The following EYS variants were observed in gnomAD, a reference collection of about 807,000 sequenced individuals.
EYS encodes EGF-like photoreceptor maintenance factor.
EYS carries 250 observed loss-of-function variants against 282.1 expected under a neutral mutation model. The observed-to-expected ratio is 0.89, with a 90% confidence interval of 0.80 to 0.98. The LOEUF (loss-of-function observed/expected upper bound fraction) is 0.98. EYS is among the 50% of genes least tolerant of loss of function. EYS has a pLI of 0.00. For synonymous variants in EYS, 1,355 were observed against 1,282.9 expected, an observed-to-expected ratio of 1.06 and a Z score of -1.20; for missense variants, 4,016 against 3,709.0, an observed-to-expected ratio of 1.08 and a Z score of -2.15.
At chr6:64,038,297 A>G (rs1453487262) in intron 33 of EYS, among the ~76,000 whole-genome samples, 1 of 152,162 alleles carries the variant, frequency 6.6e-6, no homozygotes, top group East Asian at 1.9e-4. Context: ...TTCTTGAAAA[A>G]TGCTAAGGAA....
At chr6:64,295,781 C>A (rs1768956060) in intron 30 of EYS, among the ~76,000 whole-genome samples, 1 of 151,350 alleles carries the variant, frequency 6.6e-6, no homozygotes, top group African/African-American at 2.4e-5. Flanking sequence ...CAGCTAACAG[C>A]ATTTGTTGCC....
intron 19 of EYS, among the ~76,000 whole-genome samples, chr6:64,874,821 G>T (rs1398507461): frequency 6.6e-6 from 1 of 152,016 alleles, no homozygotes; most frequent in African/African-American, 2.4e-5. Context: ...CTGACTTCTT[G>T]TATTTTGAGC....
In EYS at chr6:65,172,982, T is replaced by TA. The variant is rs10542329; in HGVS notation, c.2024-115256dup. Among the ~76,000 whole-genome samples, 342 of 145,536 alleles carry TA rather than the reference T, an allele frequency of 2.3e-3. 3 individuals are homozygous for TA. Among genetic ancestry groups the TA allele is most frequent in the East Asian group, 5.5e-3 (27 of 4,908 alleles). Reference sequence around the variant, plus strand: ...ATATGAGCCCTAAAGCCTGGAAATTTAAAAAAAAAAAAACTTAGAGCCTTA... The same window carrying TA: ...ATATGAGCCCTAAAGCCTGGAAATTTAAAAAAAAAAAAAACTTAGAGCCTTA... On this transcript the variant is annotated intron_variant, in intron 12 of 42. Coordinates refer to ENST00000503581, the MANE Select transcript of EYS (RefSeq NM_001142800.2).
Position 63,726,690 on chromosome 6 carries a change from G to A in EYS, c.8072-10C>T, listed in dbSNP as rs925907889. On this transcript the variant is annotated splice_polypyrimidine_tract_variant and intron_variant, in intron 41 of 42. Coordinates refer to ENST00000503581, the MANE Select transcript of EYS (RefSeq NM_001142800.2). ...TCACTTATGGATAAAGCTGAGGGAA[G>A]GAGAGAAAGAGAACTCTGGGAGTTA... 2 of 1,548,058 alleles carry A rather than the reference G, an allele frequency of 1.3e-6. No homozygotes were observed. Among genetic ancestry groups the A allele is most frequent in the African/African-American group, 2.7e-5 (2 of 72,874 alleles).
At chr6:64,348,682 C>T (rs1055834723) in intron 29 of EYS, among the ~76,000 whole-genome samples, 14 of 151,446 alleles carry the variant, frequency 9.2e-5, no homozygotes, top group Non-Finnish European at 4.4e-5. Flanking sequence ...TGGGAAAGGA[C>T]GGATCTTTCA....
chr6:64,204,008 C>A (rs1386098005), intron 31 of EYS, among the ~76,000 whole-genome samples: 1 of 152,104 alleles, frequency 6.6e-6, no homozygotes. Context: ...AGGTTCTTAT[C>A]TTTCTACCTT....
At chr6:65,381,908 T>C (rs906011276) in intron 8 of EYS, among the ~76,000 whole-genome samples, 2 of 151,990 alleles carry the variant, frequency 1.3e-5, no homozygotes, top group Non-Finnish European at 2.9e-5. Context: ...CTGTTTTACA[T>C]AAAAGTAAGG....
At chr6:63,986,150 G>A (rs967887096) in intron 34 of EYS, among the ~76,000 whole-genome samples, 8 of 151,496 alleles carry the variant, frequency 5.3e-5, no homozygotes, top group Non-Finnish European at 8.9e-5. Context: ...ATATACATGC[G>A]GCCAAAAAGC....
At chr6:64,279,842 C>A (rs1300320527) in intron 30 of EYS, among the ~76,000 whole-genome samples, 1 of 152,088 alleles carries the variant, frequency 6.6e-6, no homozygotes, top group Non-Finnish European at 1.5e-5. Context: ...TACTCCTATA[C>A]CAAGGCCTGC....
chr6:65,121,191 T>C (rs1349092916), intron 12 of EYS, among the ~76,000 whole-genome samples: 2 of 152,178 alleles, frequency 1.3e-5, no homozygotes, highest in Non-Finnish European at 1.5e-5. Context: ...ATTCGTTTCA[T>C]GTGAATCTTG....
At chr6:65,035,013 C>T (rs944359133) in intron 13 of EYS, among the ~76,000 whole-genome samples, 1 of 152,118 alleles carries the variant, frequency 6.6e-6, no homozygotes, top group Admixed American at 6.6e-5. Context: ...GCTAATCCAC[C>T]ACAGTCAAGT....
intron 22 of EYS, 117 bp from the exon 23 acceptor site, chr6:64,626,362 G>A: frequency 8.0e-7 from 1 of 1,250,668 alleles, no homozygotes; most frequent in Non-Finnish European, 1.1e-6. Flanking sequence ...ACATGTAGCT[G>A]GGAGCCTTCC....
At chr6:64,935,346 C>T (rs1768872270) in intron 15 of EYS, among the ~76,000 whole-genome samples, 1 of 151,506 alleles carries the variant, frequency 6.6e-6, no homozygotes, top group South Asian at 2.1e-4. Context: ...AATCAAAAGA[C>T]AAATAATGGC....
At chr6:65,458,594 T>C (rs1257880942) in intron 5 of EYS, among the ~76,000 whole-genome samples, 1 of 152,176 alleles carries the variant, frequency 6.6e-6, no homozygotes, top group Non-Finnish European at 1.5e-5. Flanking sequence ...GCTGAAGTAA[T>C]GTCACTTATT....
At chr6:64,939,934 C>G (rs543532065) in intron 15 of EYS, among the ~76,000 whole-genome samples, 4 of 151,996 alleles carry the variant, frequency 2.6e-5, no homozygotes, top group Middle Eastern at 3.4e-3. Context: ...GAGACAAAAC[C>G]AGGAACATCA....
chr6:64,898,305 T>A (rs1229702520), intron 18 of EYS, among the ~76,000 whole-genome samples: 1 of 152,120 alleles, frequency 6.6e-6, no homozygotes, highest in Non-Finnish European at 1.5e-5. Context: ...ATATTCACAT[T>A]CTTAAAGAAA....
At chr6:64,492,308 A>C (rs1776763732) in intron 26 of EYS, among the ~76,000 whole-genome samples, 1 of 151,222 alleles carries the variant, frequency 6.6e-6, no homozygotes, top group South Asian at 2.1e-4. Flanking sequence ...AGTATTATTC[A>C]ATACTTAACA....
chr6:63,833,659 C>G (rs911133631), intron 36 of EYS, among the ~76,000 whole-genome samples: 3 of 152,036 alleles, frequency 2.0e-5, no homozygotes, highest in Non-Finnish European at 4.4e-5. Flanking sequence ...GATTCAATGC[C>G]TTCCCCATCA....
intron 22 of EYS, among the ~76,000 whole-genome samples, chr6:64,740,521 C>A (rs1384187395): frequency 6.6e-6 from 1 of 152,010 alleles, no homozygotes; most frequent in African/African-American, 2.4e-5. Context: ...CTAAGCAAAC[C>A]TATATTCTAG....
Sources: gnomAD v4.1 joint callset for allele counts (sites outside exome capture counted in the v4.1 genomes callset) on GRCh38, gnomAD v4.1.1 for gene constraint, MANE v1.5 for transcripts, NCBI Gene and HGNC (gene_info 2026-07-23, HGNC 2026-07-21) for gene names.